ABAT: variants seen among roughly 807,000 people sequenced by gnomAD.
ABAT encodes 4-aminobutyrate aminotransferase, mitochondrial.
ABAT carries 45 observed loss-of-function variants against 64.6 expected under a neutral mutation model. The ratio of observed to expected loss-of-function variants is 0.70; its 90% CI spans 0.55 to 0.89. The LOEUF is 0.89. ABAT is among the 40% of genes least tolerant of loss of function. ABAT has a pLI of 0.00. For synonymous variants in ABAT, 297 were observed against 250.5 expected (o/e 1.19, Z -1.75); for missense variants, 633 against 658.4 (o/e 0.96, Z 0.42).
At chr16:8,742,587 G>T (rs775549851) in intron 2 of ABAT, among the ~76,000 whole-genome samples, 1 of 152,074 alleles carries the variant, frequency 6.6e-6, no homozygotes, top group African/African-American at 2.4e-5. Flanking sequence ...AACTAGGGCC[G>T]GGTACGGTGG....
chr16:8,690,861 G>A (rs924402746), intron 1 of ABAT, among the ~76,000 whole-genome samples: 14 of 152,194 alleles, frequency 9.2e-5, no homozygotes, highest in African/African-American at 3.4e-4. Context: ...ATAGCGGACA[G>A]GATTGATGTT....
intron 1 of ABAT, among the ~76,000 whole-genome samples, chr16:8,721,483 C>G (rs941367391): frequency 7.9e-5 from 12 of 152,184 alleles, no homozygotes; most frequent in African/African-American, 2.9e-4. Context: ...CAAGTGTAAG[C>G]TTCTGGTGAG....
intron 1 of ABAT, among the ~76,000 whole-genome samples, chr16:8,701,321 A>G (rs1304559848): frequency 6.6e-6 from 1 of 151,712 alleles, no homozygotes; most frequent in Non-Finnish European, 1.5e-5. Context: ...GCTGTAATCA[A>G]ATCTGCAGTG....
At position 8,782,983 on chromosome 16, in the gene ABAT, T is replaced by C. The variant is rs1275576627; in HGVS notation, c.*1553T>C. 6.6e-6 allele frequency: 1 copy of C among 152,170 alleles called. No homozygotes were observed. The highest frequency in any genetic ancestry group is 1.9e-4 in the East Asian group (1 of 5,186). The allele number at this position is 152,170 out of a possible 1,614,324, so 9.4% of individuals were successfully genotyped here. A position where few individuals can be genotyped will look rare whatever the true frequency, so the allele number is the denominator to read the frequency against. On this transcript the variant is annotated 3_prime_UTR_variant, in exon 16 of 16. Transcript: ENST00000268251. The stretch of plus-strand genomic sequence containing the variant: ...TTCCGCAGACTTGGTCATCGACCTA[T>C]TTTTGTTGAAGAATGAAAGGCAATG...
At chr16:8,779,862 C>G (rs929148663) in intron 15 of ABAT, among the ~76,000 whole-genome samples, 6 of 152,200 alleles carry the variant, frequency 3.9e-5, no homozygotes, top group Admixed American at 3.9e-4. Flanking sequence ...ATCAGAGCCC[C>G]TTCCTTCAGG....
chr16:8,692,794 C>T (rs1312806229), intron 1 of ABAT, among the ~76,000 whole-genome samples: 1 of 152,210 alleles, frequency 6.6e-6, no homozygotes, highest in African/African-American at 2.4e-5. Flanking sequence ...ACTGAAAGAA[C>T]ACTTCCCCTA....
At position 8,756,305 on chromosome 16, in the gene ABAT, A is replaced by G. The variant is rs1037824831; in HGVS notation, c.317-1452A>G. Among the ~76,000 whole-genome samples, 17 of 152,342 alleles carry G rather than the reference A, an allele frequency of 1.1e-4. No homozygotes were observed. In the East Asian group the frequency reaches 3.1e-3, roughly 28 times the overall value. ...AGAATGGTTAAGAATGTCTTTCAAAAAGCCCTAGAAGATTACAACAATCTT... is the reference window on the plus strand; with the variant it reads ...AGAATGGTTAAGAATGTCTTTCAAAGAGCCCTAGAAGATTACAACAATCTT... On this transcript the variant is annotated intron_variant, in intron 5 of 15. Transcript: ENST00000268251.
At chr16:8,703,025 G>A (rs781537861) in intron 1 of ABAT, among the ~76,000 whole-genome samples, 3 of 152,058 alleles carry the variant, frequency 2.0e-5, no homozygotes, top group Non-Finnish European at 4.4e-5. Context: ...TGCAGGCACC[G>A]AGATCCAGGT....
chr16:8,734,981 G>A (rs770102048), intron 1 of ABAT, among the ~76,000 whole-genome samples: 27 of 151,596 alleles, frequency 1.8e-4, no homozygotes, highest in Non-Finnish European at 3.1e-4. Flanking sequence ...GCCAAGGCAG[G>A]CAGATTACTT....
chr16:8,680,387 A>G (rs1314489964), intron 1 of ABAT, among the ~76,000 whole-genome samples: 1 of 152,244 alleles, frequency 6.6e-6, no homozygotes, highest in Non-Finnish European at 1.5e-5. Context: ...GGTAAAATAC[A>G]CATAACATGA....
chr16:8,689,073 C>T (rs1323584953), intron 1 of ABAT, among the ~76,000 whole-genome samples: 2 of 146,024 alleles, frequency 1.4e-5, no homozygotes, highest in Middle Eastern at 3.5e-3. Context: ...GAGTGAGACC[C>T]TGTCTCAAAA....
intron 2 of ABAT, among the ~76,000 whole-genome samples, chr16:8,738,615 TGTTTTTG>T (rs2059057724): frequency 5.2e-5 from 7 of 133,546 alleles, no homozygotes; most frequent in African/African-American, 2.0e-4. Flanking sequence ...TTTTTGTTTT[TGTTTTTG>T]TTTTTGTTTT....
intron 1 of ABAT, among the ~76,000 whole-genome samples, chr16:8,718,391 T>C (rs940812288): frequency 5.3e-5 from 8 of 152,224 alleles, no homozygotes; most frequent in Non-Finnish European, 1.2e-4. Flanking sequence ...ATGTAGCTAA[T>C]AAAGAATCTT....
At chr16:8,758,012 C>T (rs1175413168) in intron 6 of ABAT, among the ~76,000 whole-genome samples, 1 of 152,200 alleles carries the variant, frequency 6.6e-6, no homozygotes, top group Non-Finnish European at 1.5e-5. Flanking sequence ...CAATTAACCA[C>T]ACACATGAAT....
At position 8,676,259 on chromosome 16, in the gene ABAT, GC is replaced by G. The variant is rs564522597; in HGVS notation, c.-42+1552del. 2.1e-3 allele frequency among the ~76,000 whole-genome samples: 315 copies of G among 152,220 alleles called. 2 individuals are homozygous for G. Among genetic ancestry groups the G allele is most frequent in the African/African-American group, 7.2e-3 (299 of 41,534 alleles). On this transcript the variant is annotated intron_variant, in intron 1 of 15. Transcript: ENST00000268251. ...AAAGGGCTTCTGCATTAAAGACGTGGCCCCTTCATTTGACAGTTAAACACAC... is the reference window on the plus strand; with the variant it reads ...AAAGGGCTTCTGCATTAAAGACGTGGCCCTTCATTTGACAGTTAAACACAC...
intron 1 of ABAT, among the ~76,000 whole-genome samples, chr16:8,699,983 AT>A (rs143434735): frequency 0.071 from 10,673 of 150,592 alleles, 1,258 homozygotes; most frequent in African/African-American, 0.25. Context: ...TAATTTTTGT[AT>A]TTTTTTTTGT....
At position 8,764,060 on chromosome 16, in the gene ABAT, C is replaced by A. The variant is rs937577550; in HGVS notation, c.367-9C>A. ...CAGAAGTCACCATTTGTCTCTTGCC[C>A]TTTTGCAGAGCATGTTTGTCAACAG... On this transcript the variant is annotated splice_polypyrimidine_tract_variant and intron_variant, in intron 6 of 15. Coordinates refer to ENST00000268251, the MANE Select transcript of ABAT (RefSeq NM_020686.6). The surrounding 1 kb of genome is among the most constrained non-coding windows in gnomAD (Gnocchi z 4.2). 1.2e-6 allele frequency: 2 copies of A among 1,613,582 alleles called. No homozygotes were observed. Among genetic ancestry groups the A allele is most frequent in the African/African-American group, 2.7e-5 (2 of 74,876 alleles).
chr16:8,703,871 C>T (rs563216031), intron 1 of ABAT, among the ~76,000 whole-genome samples: 8 of 152,262 alleles, frequency 5.3e-5, no homozygotes, highest in South Asian at 2.1e-4. Context: ...GCCATTGTAG[C>T]GCAAAGCAGC....
At chr16:8,774,753 A>T in intron 12 of ABAT, 137 bp from the exon 13 acceptor site, 1 of 1,003,164 alleles carries the variant, frequency 1.0e-6, no homozygotes, top group Non-Finnish European at 1.5e-6. Context: ...GCTCAAGAAC[A>T]TGGGGCTGGT....
Sources: gnomAD v4.1 joint callset for allele counts (sites outside exome capture counted in the v4.1 genomes callset) on GRCh38, gnomAD v4.1.1 for gene constraint, Gnocchi (gnomAD v3.1) non-coding constraint, MANE v1.5 for transcripts, NCBI Gene and HGNC (gene_info 2026-07-23, HGNC 2026-07-21) for gene names.